The following UBE3D variants were observed in gnomAD, a reference collection of about 807,000 sequenced individuals.
The protein encoded by UBE3D is E3 ubiquitin-protein ligase E3D.
In UBE3D, 48 loss-of-function variants were observed where a neutral mutation model predicts 49.6. That is an observed-to-expected ratio of 0.97 (90% CI 0.77 to 1.23). UBE3D has a LOEUF of 1.23. Among genes scored for constraint, UBE3D ranks in the 50% most tolerant of loss-of-function variants. The pLI is 0.00. For missense variants in UBE3D, 452 were observed against 468.4 expected, an observed-to-expected ratio of 0.96 and a Z score of 0.32; for synonymous variants, 189 against 174.2, an observed-to-expected ratio of 1.08 and a Z score of -0.67.
chr6:82,945,802 A>C (rs540937621), intron 9 of UBE3D, among the ~76,000 whole-genome samples: 1 of 152,200 alleles, frequency 6.6e-6, no homozygotes, highest in Non-Finnish European at 1.5e-5. Flanking sequence ...TTATCAGATA[A>C]ATTTAACAAA....
At chr6:83,048,721 T>A (rs1028398799) in intron 3 of UBE3D, among the ~76,000 whole-genome samples, 8 of 152,162 alleles carry the variant, frequency 5.3e-5, no homozygotes, top group Non-Finnish European at 1.2e-4. Context: ...ATAAAAGAGT[T>A]TTTAAAGCAG....
At chr6:82,962,564 C>T (rs1398688328) in intron 8 of UBE3D, among the ~76,000 whole-genome samples, 1 of 152,194 alleles carries the variant, frequency 6.6e-6, no homozygotes, top group Non-Finnish European at 1.5e-5. Flanking sequence ...TTACCCATGT[C>T]TCTATGTAAT....
intron 7 of UBE3D, among the ~76,000 whole-genome samples, chr6:83,019,580 A>T (rs1287751926): frequency 6.6e-6 from 1 of 152,224 alleles, no homozygotes; most frequent in Non-Finnish European, 1.5e-5. Context: ...GATAACATCT[A>T]GTTCAGAAAA....
chr6:82,953,945 C>T (rs979345450), intron 9 of UBE3D, among the ~76,000 whole-genome samples: 1 of 152,130 alleles, frequency 6.6e-6, no homozygotes, highest in Admixed American at 6.6e-5. Flanking sequence ...AGACCTGGTG[C>T]AGAGTATTCT....
At chr6:82,956,877 C>T (rs1395298311) in intron 9 of UBE3D, among the ~76,000 whole-genome samples, 1 of 152,158 alleles carries the variant, frequency 6.6e-6, no homozygotes, top group African/African-American at 2.4e-5. Context: ...CCAGTAATCC[C>T]AGCACTTTGG....
At chr6:83,060,486 AG>A (rs1411093021) in intron 1 of UBE3D, among the ~76,000 whole-genome samples, 5 of 152,252 alleles carry the variant, frequency 3.3e-5, no homozygotes, top group African/African-American at 1.2e-4. Context: ...GTATGTACAT[AG>A]GTATGTAGGC....
intron 8 of UBE3D, among the ~76,000 whole-genome samples, chr6:83,000,295 A>C (rs891310830): frequency 6.6e-6 from 1 of 152,108 alleles, no homozygotes; most frequent in Non-Finnish European, 1.5e-5. Context: ...ACTCAAATGC[A>C]CCTCAAACTC....
intron 8 of UBE3D, among the ~76,000 whole-genome samples, chr6:82,997,569 A>G (rs544810738): frequency 6.6e-6 from 1 of 152,094 alleles, no homozygotes; most frequent in Non-Finnish European, 1.5e-5. Context: ...AATACAAAAA[A>G]TTAGCCAGGC....
intron 8 of UBE3D, among the ~76,000 whole-genome samples, chr6:82,996,099 T>G (rs1779220523): frequency 6.6e-6 from 1 of 151,952 alleles, no homozygotes; most frequent in African/African-American, 2.4e-5. Flanking sequence ...AGGGAGCACT[T>G]CTATCCACTG....
chr6:83,019,875 A>G (rs1780963546), intron 7 of UBE3D, among the ~76,000 whole-genome samples: 2 of 152,142 alleles, frequency 1.3e-5, no homozygotes, highest in African/African-American at 4.8e-5. Flanking sequence ...CAGCGGGCTG[A>G]CCAAGAAGGG....
intron 9 of UBE3D, among the ~76,000 whole-genome samples, chr6:82,943,809 C>G (rs989498250): frequency 6.6e-6 from 1 of 151,970 alleles, no homozygotes; most frequent in Non-Finnish European, 1.5e-5. Flanking sequence ...AATCTGTGCT[C>G]TTGAAGGGGG....
chr6:82,935,165 C>T (rs891646979), intron 9 of UBE3D, among the ~76,000 whole-genome samples: 1 of 150,964 alleles, frequency 6.6e-6, no homozygotes, highest in Non-Finnish European at 1.5e-5. Context: ...CTTCAGGAAG[C>T]TTACAATCAT....
the UBE3D span, among the ~76,000 whole-genome samples, chr6:82,882,639 G>A: frequency 3.3e-5 from 5 of 152,142 alleles, no homozygotes; most frequent in East Asian, 9.6e-4. Context: ...TGAAGCAGAA[G>A]GGCCCATCTG....
intron 8 of UBE3D, among the ~76,000 whole-genome samples, chr6:82,992,662 A>G (rs963324252): frequency 3.3e-5 from 5 of 152,174 alleles, no homozygotes; most frequent in Non-Finnish European, 7.4e-5. Flanking sequence ...GGAAATGGGC[A>G]CTATGGGTCC....
In UBE3D at chr6:82,921,218, C is replaced by T. The variant is rs144549091; in HGVS notation, c.1150-28176G>A. 2.2e-3 allele frequency among the ~76,000 whole-genome samples: 330 copies of T among 152,176 alleles called. 2 individuals are homozygous for T. Among genetic ancestry groups the T allele is most frequent in the African/African-American group, 7.1e-3 (296 of 41,520 alleles). On this transcript the variant is annotated intron_variant, in intron 9 of 9. Transcript: ENST00000369747. ...ATCTGCCCATCTTGGCCTCCCAAAG[C>T]GCTGGGATTACAGGCATTAGCACCT... is the stretch of plus-strand genomic sequence containing the variant.
chr6:83,025,902 A>AAAAG (rs1562200329), intron 5 of UBE3D, among the ~76,000 whole-genome samples: 12 of 150,748 alleles, frequency 8.0e-5, no homozygotes, highest in African/African-American at 2.7e-4. Flanking sequence ...AAAAAAAAAA[A>AAAAG]AAAGAAAAAT....
intron 5 of UBE3D, among the ~76,000 whole-genome samples, chr6:83,035,106 G>T (rs546525823): frequency 4.6e-5 from 7 of 151,778 alleles, no homozygotes; most frequent in Non-Finnish European, 8.8e-5. Flanking sequence ...ACTTGAGCCC[G>T]GGAGGTTGAG....
rs1454405584 is a variant in UBE3D at position 83,022,548 on chromosome 6, G to A, written c.751C>T (p.Gln251Ter). Residue 251 changes from glutamine to a stop codon, truncating the protein, a stop_gained, in exon 7 of 10, where the codon CAG (glutamine) becomes TAG (stop). Transcript: ENST00000369747. LOFTEE classifies it high-confidence loss of function. ...FPIIPRSWFV[Q>*]SVIAQCLVQL... ...ACCAGACACTGGGCGATCACGCTCT[G>A]GACAAACCAAGACCTGTTTGAACAG... The A allele has an allele frequency of 1.3e-6, 2 of 1,589,582 alleles. No individual in the cohort carries two copies. Among genetic ancestry groups the A allele is most frequent in the Non-Finnish European group, 1.7e-6 (2 of 1,171,570 alleles).
downstream of UBE3D, among the ~76,000 whole-genome samples, chr6:82,890,277 C>A (rs1237785386): frequency 6.6e-6 from 1 of 152,166 alleles, no homozygotes; most frequent in Non-Finnish European, 1.5e-5. Context: ...CACTCACCCA[C>A]AGCAACAAAA....
Sources: gnomAD v4.1 joint callset for allele counts (sites outside exome capture counted in the v4.1 genomes callset) on GRCh38, gnomAD v4.1.1 for gene constraint, MANE v1.5 for transcripts, NCBI Gene and HGNC (gene_info 2026-07-23, HGNC 2026-07-21) for gene names.